The following EFHC1 variants were observed in gnomAD, a reference collection of about 807,000 sequenced individuals.
EFHC1 encodes EF-hand domain-containing protein 1.
In EFHC1, 53 loss-of-function variants were observed where a neutral mutation model predicts 69.9. That is an observed-to-expected ratio of 0.76 (90% CI 0.61 to 0.95). EFHC1 has a LOEUF of 0.95. Among genes scored for constraint, EFHC1 ranks in the 40% least tolerant of loss-of-function variants. EFHC1 has a pLI of 0.00. For synonymous variants in EFHC1, 256 were observed against 278.4 expected (o/e 0.92, Z 0.80); for missense variants, 739 against 798.7 (o/e 0.93, Z 0.90).
chr6:52,485,107 T>C (rs1217147072), intron 9 of EFHC1: 5 of 152,150 alleles, frequency 3.3e-5, no homozygotes, highest in Middle Eastern at 3.4e-3. Flanking sequence ...TAAACAAATA[T>C]GATAGCTCTC....
At chr6:52,452,371 G>A (rs1342047615) in intron 3 of EFHC1, among the ~76,000 whole-genome samples, 1 of 152,086 alleles carries the variant, frequency 6.6e-6, no homozygotes, top group Non-Finnish European at 1.5e-5. Flanking sequence ...CATGATCATG[G>A]CTCACTGCAG....
At chr6:52,454,312 T>C (rs745573656) in intron 5 of EFHC1, 25 bp downstream of exon 5, 2 of 1,613,872 alleles carry the variant, frequency 1.2e-6, no homozygotes, top group South Asian at 1.1e-5. Flanking sequence ...GTTTATTCTC[T>C]GTTACTTGGG....
chr6:52,422,967 C>T lies in EFHC1; in HGVS notation c.64-979C>T, dbSNP rs540638942. ...ATATTTTAATGACAGCACCATAATCCATTGAGTGAGTTTTCGATCATTTAC... is the reference window on the plus strand; with the variant it reads ...ATATTTTAATGACAGCACCATAATCTATTGAGTGAGTTTTCGATCATTTAC... On this transcript the variant is annotated intron_variant, in intron 1 of 10. Transcript: ENST00000371068. Among the ~76,000 whole-genome samples, 19 of 152,274 alleles carry T rather than the reference C, an allele frequency of 1.2e-4. No homozygotes were observed. The East Asian group carries it at 2.7e-3, about 22-fold the overall frequency.
intron 1 of EFHC1, 63 bp from the exon 2 acceptor site, chr6:52,423,883 T>C: frequency 6.6e-7 from 1 of 1,504,174 alleles, no homozygotes. Flanking sequence ...TAAAAGTTAG[T>C]TTTTTTTTTA....
intron 5 of EFHC1, among the ~76,000 whole-genome samples, chr6:52,458,435 A>C (rs181296832): frequency 6.6e-6 from 1 of 152,326 alleles, no homozygotes; most frequent in Admixed American, 6.5e-5. Flanking sequence ...CAGAATCTAT[A>C]AGGAACTTAA....
rs1285039999 is a variant in EFHC1 at position 52,495,208 on chromosome 6, AG to A, written c.*2869del. 2.2e-6 allele frequency: 1 copy of A among 454,076 alleles called. No homozygotes were observed. The highest frequency in any genetic ancestry group is 2.0e-5 in the African/African-American group (1 of 50,102). The allele number at this position is 454,076 out of a possible 1,614,324, so 28.1% of individuals were successfully genotyped here. ...AGATGGCTCTCTTGGCTGTGTAATT[AG>A]GCAGCTCAATCCCTTTCCTTTAGAC... On this transcript the variant is annotated 3_prime_UTR_variant, in exon 11 of 11. Transcript: ENST00000371068.
intron 5 of EFHC1, among the ~76,000 whole-genome samples, chr6:52,459,662 TTTG>T (rs150529871): frequency 0.011 from 1,612 of 149,096 alleles, 29 homozygotes; most frequent in African/African-American, 0.038. Flanking sequence ...GTTTTTTTGT[TTTG>T]TTTGTTTGTT....
chr6:52,497,171 A>G lies in EFHC1; in HGVS notation c.*4830A>G, dbSNP rs1476451946. 6.6e-6 allele frequency: 1 copy of G among 152,220 alleles called. No individual in the cohort carries two copies. Among genetic ancestry groups the G allele is most frequent in the Admixed American group, 6.5e-5 (1 of 15,286 alleles). 9.4% of individuals were successfully genotyped at this position (152,220 alleles called of 1,614,324 possible). The stretch of plus-strand genomic sequence containing the variant: ...TTTACTATTAAAGAGTCAAATAAAA[A>G]TGATGCTTATTGCTATCCAGCACTT... On this transcript the variant is annotated 3_prime_UTR_variant, in exon 11 of 11. Transcript: ENST00000371068.
chr6:52,445,296 T>A (rs1089946), intron 3 of EFHC1, among the ~76,000 whole-genome samples: 101,837 of 150,270 alleles, frequency 0.68, 35,105 homozygotes, highest in East Asian at 0.86. Context: ...TTAATTAATT[T>A]ATTTATTTTT....
In EFHC1 at chr6:52,495,423, G is replaced by A. The variant is rs1333292789; in HGVS notation, c.*3082G>A. On this transcript the variant is annotated 3_prime_UTR_variant, in exon 11 of 11. Coordinates refer to ENST00000371068, the MANE Select transcript of EFHC1 (RefSeq NM_018100.4). ...ATCACTCTTGCCTCCTGTGGTAGAG[G>A]AGCTTTGGGCTACTCCTTAACAAAT... is the stretch of plus-strand genomic sequence containing the variant. 1 of 454,084 alleles carries A rather than the reference G, an allele frequency of 2.2e-6. No individual in the cohort carries two copies. The highest frequency in any genetic ancestry group is 4.4e-6 in the Non-Finnish European group (1 of 226,802). 28.1% of individuals were successfully genotyped at this position (454,084 alleles called of 1,614,324 possible).
chr6:52,495,796 C>T lies in EFHC1; in HGVS notation c.*3455C>T. The T allele has an allele frequency of 2.8e-6, 1 of 354,278 alleles. No individual in the cohort carries two copies. The highest frequency in any genetic ancestry group is 1.0e-3 in the Middle Eastern group (1 of 976). The allele number at this position is 354,278 out of a possible 1,614,324, so 21.9% of individuals were successfully genotyped here. ...ACATACACTCCTTAAGTTTGCTGTC[C>T]ACTTCTTGCCTTGCATCTCCTTTTA... On this transcript the variant is annotated 3_prime_UTR_variant, in exon 11 of 11. Coordinates refer to ENST00000371068, the MANE Select transcript of EFHC1 (RefSeq NM_018100.4).
chr6:52,454,456 T>A (rs747644177), intron 5 of EFHC1, among the ~76,000 whole-genome samples, 169 bp downstream of exon 5: 4 of 152,152 alleles, frequency 2.6e-5, no homozygotes, highest in Non-Finnish European at 5.9e-5. Context: ...TGCCCCTCGG[T>A]CCAGGCGTGC....
intron 7 of EFHC1, among the ~76,000 whole-genome samples, chr6:52,471,159 AG>A: frequency 6.6e-6 from 1 of 152,362 alleles, no homozygotes; most frequent in Middle Eastern, 3.4e-3. Flanking sequence ...TGCTGATTCC[AG>A]AAGACCCACC....
intron 2 of EFHC1, among the ~76,000 whole-genome samples, chr6:52,435,614 A>G (rs1764515810): frequency 6.6e-6 from 1 of 151,946 alleles, no homozygotes; most frequent in African/African-American, 2.4e-5. Context: ...CTGCTTTTCC[A>G]TTGCTGGTAA....
At position 52,452,677 on chromosome 6, in the gene EFHC1, C is replaced by A; in HGVS notation, c.574-11C>A. 6.2e-7 allele frequency: 1 copy of A among 1,613,848 alleles called. No homozygotes were observed. The highest frequency in any genetic ancestry group is 8.5e-7 in the Non-Finnish European group (1 of 1,179,822). On this transcript the variant is annotated splice_polypyrimidine_tract_variant and intron_variant, in intron 3 of 10. Coordinates refer to ENST00000371068, the MANE Select transcript of EFHC1 (RefSeq NM_018100.4). ...AAGAAAGATGATCATTGTTAACTTT[C>A]AATTATTTAGGTATTTTTAGAAAGC...
At position 52,476,262 on chromosome 6, in the gene EFHC1, G is replaced by T. The variant is rs190309733; in HGVS notation, c.1279-2775G>T. Among the ~76,000 whole-genome samples, 3 of 152,294 alleles carry T rather than the reference G, an allele frequency of 2.0e-5. No homozygotes were observed. The South Asian group carries it at 6.2e-4, about 32-fold the overall frequency. ...TGTTTCTTCTTATTATCATGTGCCT[G>T]TAATTCTAAACAACATCAGTGATAC... On this transcript the variant is annotated intron_variant, in intron 7 of 10. Coordinates refer to ENST00000371068, the MANE Select transcript of EFHC1 (RefSeq NM_018100.4).
At chr6:52,467,824 A>G (rs1765344355) in intron 6 of EFHC1, among the ~76,000 whole-genome samples, 1 of 152,226 alleles carries the variant, frequency 6.6e-6, no homozygotes, top group Admixed American at 6.5e-5. Flanking sequence ...TTTGTTAGAG[A>G]TAAATAGAAT....
At chr6:52,446,426 C>T (rs1313142996) in intron 3 of EFHC1, among the ~76,000 whole-genome samples, 1 of 152,136 alleles carries the variant, frequency 6.6e-6, no homozygotes, top group African/African-American at 2.4e-5. Flanking sequence ...GATCTTCTGC[C>T]ATCCCTTTAT....
At chr6:52,434,102 T>C (rs1417460617) in intron 2 of EFHC1, among the ~76,000 whole-genome samples, 1 of 152,206 alleles carries the variant, frequency 6.6e-6, no homozygotes, top group Non-Finnish European at 1.5e-5. Flanking sequence ...CCAGGCTACC[T>C]GCCTCCCAGC....
Sources: allele counts gnomAD v4.1 joint callset (sites outside exome capture counted in the v4.1 genomes callset), GRCh38; gene constraint gnomAD v4.1.1; transcripts MANE v1.5; gene names NCBI Gene and HGNC (gene_info 2026-07-23, HGNC 2026-07-21).